PITPNM2: variants seen among roughly 807,000 people sequenced by gnomAD.
The protein encoded by PITPNM2 is membrane-associated phosphatidylinositol transfer protein 2.
PITPNM2 carries 35 observed loss-of-function variants against 132.2 expected under a neutral mutation model. The ratio of observed to expected loss-of-function variants is 0.26; its 90% CI spans 0.20 to 0.35. PITPNM2 has a LOEUF of 0.35. Among genes scored for constraint, PITPNM2 ranks in the 10% least tolerant of loss-of-function variants. PITPNM2 has a pLI of 1.00. For synonymous variants in PITPNM2, 738 were observed against 799.2 expected, an observed-to-expected ratio of 0.92 and a Z score of 1.29; for missense variants, 1,332 against 1,912.0, an observed-to-expected ratio of 0.70 and a Z score of 5.66.
chr12:123,129,423 A>G (rs1479308623), intron 1 of PITPNM2, among the ~76,000 whole-genome samples: 1 of 151,342 alleles, frequency 6.6e-6, no homozygotes, highest in Non-Finnish European at 1.5e-5. Context: ...AAAAAAAATT[A>G]GCTGGGCATG....
chr12:123,093,986 C>T (rs945449248), intron 2 of PITPNM2, among the ~76,000 whole-genome samples: 1 of 152,220 alleles, frequency 6.6e-6, no homozygotes, highest in African/African-American at 2.4e-5. Flanking sequence ...AGTGAGAGGC[C>T]CCTCAGGCTG....
Position 123,008,089 on chromosome 12 carries a change from G to A in PITPNM2, c.643+1761C>T, listed in dbSNP as rs2039018543. Among the ~76,000 whole-genome samples, 1 of 152,230 alleles carries A rather than the reference G, an allele frequency of 6.6e-6. No homozygotes were observed. Among genetic ancestry groups the A allele is most frequent in the Non-Finnish European group, 1.5e-5 (1 of 68,046 alleles). ...ACAGAAGAGAAAAGCAAAGCTCAGT[G>A]AGGCTGAGAGACCACAGAGCCACTA... On this transcript the variant is annotated intron_variant, in intron 6 of 25. Transcript: ENST00000320201. This position sits in a 1 kb window ranked among gnomAD's most constrained non-coding sequence, Gnocchi z 4.1.
At chr12:123,104,331 G>A (rs1231658072) in intron 2 of PITPNM2, among the ~76,000 whole-genome samples, 4 of 152,218 alleles carry the variant, frequency 2.6e-5, no homozygotes, top group Admixed American at 2.0e-4. Flanking sequence ...CCAAGCCATC[G>A]CATCCCCTGT....
chr12:123,070,979 G>A lies in PITPNM2; in HGVS notation c.-95-36294C>T, dbSNP rs1592990651. Among the ~76,000 whole-genome samples the A allele has an allele frequency of 3.3e-5, 5 of 152,358 alleles. No homozygotes were observed. The South Asian group carries it at 1.0e-3, about 32-fold the overall frequency. Reference sequence around the variant, plus strand: ...GGAAGGAGGCCAGCAGAGAGAGGGAGTTGAACTCCGTTCTGCCTCCAGGAG... The same window carrying A: ...GGAAGGAGGCCAGCAGAGAGAGGGAATTGAACTCCGTTCTGCCTCCAGGAG... On this transcript the variant is annotated intron_variant, in intron 2 of 25. Coordinates refer to ENST00000320201, the MANE Select transcript of PITPNM2 (RefSeq NM_020845.3).
chr12:123,042,234 G>C (rs969343888), intron 2 of PITPNM2, among the ~76,000 whole-genome samples: 1 of 151,992 alleles, frequency 6.6e-6, no homozygotes, highest in Non-Finnish European at 1.5e-5. Context: ...GAGGAGAAAA[G>C]TGACACAGAA....
At chr12:123,094,793 C>G (rs985410068) in intron 2 of PITPNM2, among the ~76,000 whole-genome samples, 15 of 152,228 alleles carry the variant, frequency 9.9e-5, no homozygotes, top group Admixed American at 9.2e-4. Context: ...ATCTAAGAAT[C>G]GAAGGCCTTG....
At chr12:123,137,277 T>C (rs147769538) in intron 1 of PITPNM2, among the ~76,000 whole-genome samples, 76 of 152,176 alleles carry the variant, frequency 5.0e-4, no homozygotes, top group Admixed American at 1.2e-3. Context: ...CCAGGACACA[T>C]ACCTGCCACC....
chr12:123,079,909 T>C (rs975614538), intron 2 of PITPNM2, among the ~76,000 whole-genome samples: 6 of 152,134 alleles, frequency 3.9e-5, no homozygotes, highest in African/African-American at 1.4e-4. Context: ...GGAGACCCAT[T>C]AGCAGTCTCT....
rs1410346829 is a variant in PITPNM2, at chr12:123,150,555, G to T, written c.-200+198C>A. Among the ~76,000 whole-genome samples, 5 of 151,886 alleles carry T rather than the reference G, an allele frequency of 3.3e-5. No homozygotes were observed. Among genetic ancestry groups the T allele is most frequent in the African/African-American group, 1.2e-4 (5 of 41,410 alleles). Reference sequence around the variant, plus strand: ...GCCAGGCTCGGGCGGTCTCCCGAGCGGGGCTCCCGTACGCCACACCCTCCT... The same window carrying T: ...GCCAGGCTCGGGCGGTCTCCCGAGCTGGGCTCCCGTACGCCACACCCTCCT... On this transcript the variant is annotated intron_variant, in intron 1 of 25. Transcript: ENST00000320201. The surrounding 1 kb of genome is among the most constrained non-coding windows in gnomAD (Gnocchi z 6.0).
chr12:123,084,937 C>T (rs1038484044), intron 2 of PITPNM2, among the ~76,000 whole-genome samples: 3 of 152,122 alleles, frequency 2.0e-5, no homozygotes, highest in Non-Finnish European at 4.4e-5. Context: ...CCACACACCC[C>T]CCTCCCCCAT....
chr12:123,053,815 G>A (rs1024127442), intron 2 of PITPNM2, among the ~76,000 whole-genome samples: 3 of 151,834 alleles, frequency 2.0e-5, no homozygotes, highest in Non-Finnish European at 2.9e-5. Context: ...TGATCTGCCC[G>A]CCTCAGCCTC....
intron 2 of PITPNM2, among the ~76,000 whole-genome samples, chr12:123,067,156 G>A (rs1381200373): frequency 6.6e-6 from 1 of 152,122 alleles, no homozygotes; most frequent in Non-Finnish European, 1.5e-5. Context: ...TATAAGAAGA[G>A]GAGAGAGTCT....
intron 2 of PITPNM2, among the ~76,000 whole-genome samples, chr12:123,039,448 A>ATATT (rs1178157323): frequency 3.3e-5 from 5 of 152,206 alleles, no homozygotes. Context: ...CTGTACACAA[A>ATATT]TGATAATACA....
chr12:123,113,286 G>A (rs2042876419), intron 1 of PITPNM2, among the ~76,000 whole-genome samples: 1 of 152,236 alleles, frequency 6.6e-6, no homozygotes, highest in Non-Finnish European at 1.5e-5. Flanking sequence ...CATACGTATG[G>A]TAGGTGGAAC....
chr12:123,021,029 CAAAAAAAAAAAAA>C (rs910751492), intron 3 of PITPNM2, among the ~76,000 whole-genome samples: 6 of 25,310 alleles, frequency 2.4e-4, no homozygotes, highest in Admixed American at 5.9e-4. Context: ...AATTCCATCT[CAAAAAAAAAAAAA>C]AAAAAAAAAA....
intron 2 of PITPNM2, among the ~76,000 whole-genome samples, chr12:123,053,439 G>A (rs1166703043): frequency 2.6e-5 from 4 of 151,388 alleles, no homozygotes; most frequent in Non-Finnish European, 5.9e-5. Flanking sequence ...TAACTAATCT[G>A]TTACTCTCAA....
rs139205213 is a variant in PITPNM2, at chr12:123,079,350, C to CTTTTTTTTTTTTT, written c.-96+31022_-96+31034dup. 1.6e-3 allele frequency among the ~76,000 whole-genome samples: 88 copies of CTTTTTTTTTTTTT among 53,840 alleles called. 3 individuals carry two copies. Among genetic ancestry groups the CTTTTTTTTTTTTT allele is most frequent in the African/African-American group, 3.2e-3 (52 of 16,184 alleles). 35.3% of individuals were successfully genotyped at this position (53,840 alleles called of 152,430 possible). On this transcript the variant is annotated intron_variant, in intron 2 of 25. Coordinates refer to ENST00000320201, the MANE Select transcript of PITPNM2 (RefSeq NM_020845.3). ...TTCACTTCTTTTTCTTTTTTCTTTT[C>CTTTTTTTTTTTTT]TTTTTTTTTTTTTTTTTTTTTTTTT...
At chr12:123,025,164 G>T (rs2039812527) in intron 3 of PITPNM2, among the ~76,000 whole-genome samples, 1 of 152,218 alleles carries the variant, frequency 6.6e-6, no homozygotes. Context: ...GTGACATGAT[G>T]GGCTAGCCAA....
intron 3 of PITPNM2, among the ~76,000 whole-genome samples, chr12:123,024,623 G>C (rs1429073099): frequency 6.6e-6 from 1 of 152,154 alleles, no homozygotes; most frequent in Non-Finnish European, 1.5e-5. Flanking sequence ...CATGATACAA[G>C]AGGGATGAAC....
Sources: gnomAD v4.1 joint callset for allele counts (sites outside exome capture counted in the v4.1 genomes callset) on GRCh38, gnomAD v4.1.1 for gene constraint, Gnocchi (gnomAD v3.1) non-coding constraint, MANE v1.5 for transcripts, NCBI Gene and HGNC (gene_info 2026-07-23, HGNC 2026-07-21) for gene names.